The following MEI4 variants were observed in gnomAD, a reference collection of about 807,000 sequenced individuals.
The protein encoded by MEI4 is meiosis-specific protein MEI4.
Under a neutral mutation model 31.4 loss-of-function variants are expected in MEI4, and 27 were observed. That is an observed-to-expected ratio of 0.86 (90% CI 0.63 to 1.19). The LOEUF (loss-of-function observed/expected upper bound fraction) is 1.19, where lower values mean the gene tolerates loss of function less well. Among genes scored for constraint, MEI4 ranks in the 50% most tolerant of loss-of-function variants. The pLI is 0.00. For missense variants in MEI4, 329 were observed against 398.9 expected (o/e 0.82, Z 1.49); for synonymous variants, 122 against 145.4 (o/e 0.84, Z 1.16).
intron 3 of MEI4, among the ~76,000 whole-genome samples, chr6:77,821,286 CT>C (rs1769817906): frequency 1.3e-5 from 2 of 152,236 alleles, no homozygotes; most frequent in South Asian, 2.1e-4. Flanking sequence ...TTCAAGTTTA[CT>C]TGGTCAACTT....
chr6:77,733,890 G>C (rs1030003209), intron 2 of MEI4, among the ~76,000 whole-genome samples: 4 of 152,012 alleles, frequency 2.6e-5, no homozygotes, highest in African/African-American at 9.7e-5. Context: ...TATGTACCCA[G>C]TAGTCATTCA....
At chr6:77,839,439 G>A (rs1770303753) in intron 4 of MEI4, among the ~76,000 whole-genome samples, 1 of 152,026 alleles carries the variant, frequency 6.6e-6, no homozygotes, top group Non-Finnish European at 1.5e-5. Context: ...AGAGAGAGTT[G>A]GAGAAGGGCA....
At chr6:77,912,559 G>A (rs1182176047) in intron 4 of MEI4, among the ~76,000 whole-genome samples, 1 of 151,406 alleles carries the variant, frequency 6.6e-6, no homozygotes, top group East Asian at 1.9e-4. Flanking sequence ...TTTTTTGGGG[G>A]GTAATTTTTG....
At chr6:77,920,624 C>T (rs964414287) in intron 4 of MEI4, among the ~76,000 whole-genome samples, 2 of 151,794 alleles carry the variant, frequency 1.3e-5, no homozygotes, top group African/African-American at 4.8e-5. Context: ...ATTTACTTTG[C>T]CCATATTCAT....
At chr6:77,890,928 A>G (rs1033837043) in intron 4 of MEI4, among the ~76,000 whole-genome samples, 1 of 152,176 alleles carries the variant, frequency 6.6e-6, no homozygotes, top group African/African-American at 2.4e-5. Context: ...CCATGATTGT[A>G]AGTTTTCTGA....
In MEI4 at chr6:77,857,569, C is replaced by G. The variant is rs376683286; in HGVS notation, c.900+28507C>G. Among the ~76,000 whole-genome samples, 61 of 152,292 alleles carry G rather than the reference C, an allele frequency of 4.0e-4. 1 individual carries two copies. In the South Asian group the frequency reaches 0.011, roughly 27 times the overall value. ...AGTATATGAATTGTGTTGGAATACT[C>G]TCCTACTCATGAGTTACCTAATTGT... On this transcript the variant is annotated intron_variant, in intron 4 of 4. Transcript: ENST00000684080.
At chr6:77,811,528 A>G (rs372420491) in intron 3 of MEI4, among the ~76,000 whole-genome samples, 24 of 152,308 alleles carry the variant, frequency 1.6e-4, no homozygotes, top group African/African-American at 4.8e-4. Context: ...TTTTGATGCC[A>G]GCACTTTGGG....
chr6:77,882,233 C>A (rs1227912980), intron 4 of MEI4, among the ~76,000 whole-genome samples: 1 of 151,410 alleles, frequency 6.6e-6, no homozygotes, highest in Admixed American at 6.6e-5. Flanking sequence ...GAGTGCATCA[C>A]CCCCCCAGTG....
intron 3 of MEI4, among the ~76,000 whole-genome samples, chr6:77,788,172 T>C (rs1027062754): frequency 6.6e-6 from 1 of 152,218 alleles, no homozygotes. Context: ...TCTCAATAGA[T>C]GCAGAAAAGG....
Position 77,926,030 on chromosome 6 carries a change from G to T in MEI4, c.*2684G>T, listed in dbSNP as rs1263599148. 1 of 151,732 alleles carries T rather than the reference G, an allele frequency of 6.6e-6. No homozygotes were observed. The highest frequency in any genetic ancestry group is 1.5e-5 in the Non-Finnish European group (1 of 67,902). 9.4% of individuals were successfully genotyped at this position (151,732 alleles called of 1,614,324 possible). On this transcript the variant is annotated 3_prime_UTR_variant, in exon 5 of 5. Transcript: ENST00000684080. ...AACTTGCCCAAGTTCACAACACCAG[G>T]AAGTGGCAGTTAGGTTTCATCCTGA...
upstream of MEI4, among the ~76,000 whole-genome samples, chr6:77,650,532 C>A (rs771223494): frequency 6.6e-6 from 1 of 152,204 alleles, no homozygotes; most frequent in Non-Finnish European, 1.5e-5. Flanking sequence ...CCAGGGCTCC[C>A]GTGCCCGCTT....
At chr6:77,707,053 C>CAGAGTTTGGG (rs1766348954) in intron 2 of MEI4, among the ~76,000 whole-genome samples, 1 of 117,232 alleles carries the variant, frequency 8.5e-6, no homozygotes, top group African/African-American at 2.9e-5. Flanking sequence ...GGGCAATGGG[C>CAGAGTTTGGG]AGAGTTTGGG....
chr6:77,814,655 T>C (rs1769649370), intron 3 of MEI4, among the ~76,000 whole-genome samples: 1 of 152,128 alleles, frequency 6.6e-6, no homozygotes, highest in Admixed American at 6.6e-5. Flanking sequence ...CTACTCTATG[T>C]TCACCTTACC....
At chr6:77,838,496 T>C (rs1044853126) in intron 4 of MEI4, among the ~76,000 whole-genome samples, 2 of 152,222 alleles carry the variant, frequency 1.3e-5, no homozygotes, top group Non-Finnish European at 2.9e-5. Flanking sequence ...CTTTAAACTC[T>C]GTAAACTCAA....
intron 3 of MEI4, among the ~76,000 whole-genome samples, chr6:77,819,454 T>C (rs1769765132): frequency 6.6e-6 from 1 of 152,180 alleles, no homozygotes; most frequent in South Asian, 2.1e-4. Flanking sequence ...AGAAACCTAA[T>C]GATATTTGGT....
intron 3 of MEI4, among the ~76,000 whole-genome samples, chr6:77,804,027 A>T (rs1319840381): frequency 6.6e-6 from 1 of 152,126 alleles, no homozygotes; most frequent in Non-Finnish European, 1.5e-5. Flanking sequence ...ATGTCTGCAG[A>T]GGTTTCTGCT....
At chr6:77,910,744 C>T (rs558610457) in intron 4 of MEI4, among the ~76,000 whole-genome samples, 6 of 152,106 alleles carry the variant, frequency 3.9e-5, no homozygotes, top group African/African-American at 1.4e-4. Flanking sequence ...TGCAGGTATC[C>T]TTTTGAGATA....
intron 2 of MEI4, among the ~76,000 whole-genome samples, chr6:77,746,446 G>C (rs1412921451): frequency 6.6e-6 from 1 of 152,110 alleles, no homozygotes; most frequent in East Asian, 1.9e-4. Context: ...AATGCCTTGA[G>C]CTGGGACATG....
intron 4 of MEI4, among the ~76,000 whole-genome samples, chr6:77,888,941 T>C (rs1202985204): frequency 6.6e-6 from 1 of 152,184 alleles, no homozygotes; most frequent in Non-Finnish European, 1.5e-5. Flanking sequence ...TCAGCACCTC[T>C]ACTTCCAGCT....
Sources: gnomAD v4.1 joint callset for allele counts (sites outside exome capture counted in the v4.1 genomes callset) on GRCh38, gnomAD v4.1.1 for gene constraint, MANE v1.5 for transcripts, NCBI Gene and HGNC (gene_info 2026-07-23, HGNC 2026-07-21) for gene names.